FANK1: variants seen among roughly 807,000 people sequenced by gnomAD.
FANK1 encodes fibronectin type III and ankyrin repeat domains 1.
In FANK1, 44 loss-of-function variants were observed where a neutral mutation model predicts 45.3. That is an observed-to-expected ratio of 0.97 (90% CI 0.76 to 1.25). The LOEUF (loss-of-function observed/expected upper bound fraction) is 1.25. Among genes scored for constraint, FANK1 ranks in the 50% most tolerant of loss-of-function variants. FANK1 has a pLI of 0.00. For missense variants in FANK1, 391 were observed against 424.4 expected, an observed-to-expected ratio of 0.92 and a Z score of 0.69; for synonymous variants, 149 against 152.5, an observed-to-expected ratio of 0.98 and a Z score of 0.17.
chr10:125,934,957 G>C (rs549984362), intron 1 of FANK1, among the ~76,000 whole-genome samples: 1 of 152,144 alleles, frequency 6.6e-6, no homozygotes, highest in South Asian at 2.1e-4. Context: ...CTCCCAGCAC[G>C]ATGCTGTTTC....
intron 1 of FANK1, among the ~76,000 whole-genome samples, chr10:125,930,553 G>A (rs1163067049): frequency 3.3e-5 from 5 of 150,744 alleles, no homozygotes; most frequent in African/African-American, 1.2e-4. Flanking sequence ...TCCCAGGCTG[G>A]TCTTGATCTA....
chr10:125,914,810 GGGA>G (rs1262478686), intron 1 of FANK1, among the ~76,000 whole-genome samples: 1 of 152,140 alleles, frequency 6.6e-6, no homozygotes, highest in African/African-American at 2.4e-5. Flanking sequence ...ACCGTAGAAG[GGGA>G]GGAGGGGTGG....
intron 6 of FANK1, 56 bp downstream of exon 6, chr10:125,997,541 G>A (rs1309385259): frequency 1.9e-6 from 3 of 1,544,394 alleles, no homozygotes; most frequent in Admixed American, 1.7e-5. Context: ...TGTGTTGCTA[G>A]GCTTGTGCCC....
At chr10:125,910,851 A>G (rs983291027) in intron 1 of FANK1, among the ~76,000 whole-genome samples, 6 of 152,072 alleles carry the variant, frequency 3.9e-5, no homozygotes, top group African/African-American at 1.4e-4. Context: ...TGGCTAACAC[A>G]GTGAAACCCC....
At position 126,009,409 on chromosome 10, in the gene FANK1, C is replaced by T. The variant is rs746515841; in HGVS notation, c.1009C>T (p.Gln337Ter). 2 of 1,614,108 alleles carry T rather than the reference C, an allele frequency of 1.2e-6. No individual in the cohort carries two copies. Among genetic ancestry groups the T allele is most frequent in the Admixed American group, 1.7e-5 (1 of 60,008 alleles). ...CTTATTAGAAGAAAGGAAAAAAAAGCAGAGGCCAAAGAAGTCTTGTGTCTG... is the reference window on the plus strand; with the variant it reads ...CTTATTAGAAGAAAGGAAAAAAAAGTAGAGGCCAAAGAAGTCTTGTGTCTG... ...VSLLEERKKK[Q>*]RPKKSCVC Residue 337 changes from glutamine (Q) to a stop codon, truncating the protein, a stop_gained, in exon 11 of 11, where the codon CAG becomes TAG. Coordinates refer to ENST00000368693, the MANE Select transcript of FANK1 (RefSeq NM_145235.5). LOFTEE classifies it high-confidence loss of function.
At chr10:125,975,210 T>C (rs112008872) in intron 1 of FANK1, among the ~76,000 whole-genome samples, 2,100 of 152,336 alleles carry the variant, frequency 0.014, 46 homozygotes, top group African/African-American at 0.045. Context: ...TATTTCATAG[T>C]GTATATGTAC....
chr10:125,939,496 T>A (rs113620739), intron 1 of FANK1, among the ~76,000 whole-genome samples: 3 of 152,338 alleles, frequency 2.0e-5, no homozygotes, highest in African/African-American at 7.2e-5. Flanking sequence ...ATAAAGCAAA[T>A]GTGGCAACAT....
At chr10:125,969,064 C>T (rs925099593) in intron 1 of FANK1, among the ~76,000 whole-genome samples, 1 of 152,094 alleles carries the variant, frequency 6.6e-6, no homozygotes, top group Non-Finnish European at 1.5e-5. Flanking sequence ...TCATAATCGT[C>T]CTTTTGAGGT....
chr10:125,981,857 G>A (rs11244748), intron 2 of FANK1, among the ~76,000 whole-genome samples: 59,981 of 152,016 alleles, frequency 0.39, 12,016 homozygotes, highest in South Asian at 0.46. Context: ...TGTGATAAAA[G>A]TGCTGACATG....
intron 1 of FANK1, among the ~76,000 whole-genome samples, chr10:125,955,875 G>T (rs1949542880): frequency 6.6e-6 from 1 of 152,128 alleles, no homozygotes; most frequent in Non-Finnish European, 1.5e-5. Context: ...AAGTACAAAA[G>T]AATCTATGTT....
At chr10:125,987,140 GGA>G (rs1951615911) in intron 2 of FANK1, among the ~76,000 whole-genome samples, 3 of 151,970 alleles carry the variant, frequency 2.0e-5, no homozygotes, top group African/African-American at 7.3e-5. Flanking sequence ...CCCTTTTCTT[GGA>G]CCCCATCAGT....
intron 1 of FANK1, among the ~76,000 whole-genome samples, chr10:125,936,999 G>A (rs1156355215): frequency 8.5e-5 from 13 of 152,052 alleles, no homozygotes; most frequent in African/African-American, 2.7e-4. Flanking sequence ...CCCGGATGGC[G>A]GAGGTTGCAG....
At chr10:125,903,301 T>C (rs61873366) in intron 1 of FANK1, among the ~76,000 whole-genome samples, 478 of 113,256 alleles carry the variant, frequency 4.2e-3, no homozygotes, top group East Asian at 8.3e-3. Context: ...TGGTGCAAAC[T>C]CATTAACAAG....
At chr10:125,929,467 T>C (rs1947605727) in intron 1 of FANK1, among the ~76,000 whole-genome samples, 1 of 152,160 alleles carries the variant, frequency 6.6e-6, no homozygotes, top group Admixed American at 6.5e-5. Flanking sequence ...TAAGTGAAAC[T>C]TCGGAGAAAG....
intron 1 of FANK1, among the ~76,000 whole-genome samples, chr10:125,940,018 C>T (rs923707532): frequency 2.0e-5 from 3 of 151,600 alleles, no homozygotes; most frequent in Non-Finnish European, 4.4e-5. Flanking sequence ...GCAACCTCCA[C>T]CTCTTAATCT....
At chr10:125,991,772 G>A (rs1951960045) in intron 3 of FANK1, among the ~76,000 whole-genome samples, 1 of 152,162 alleles carries the variant, frequency 6.6e-6, no homozygotes, top group Admixed American at 6.5e-5. Flanking sequence ...CAATGAGCTC[G>A]TGATTTATTC....
At chr10:125,907,277 T>C (rs1220628563) in intron 1 of FANK1, among the ~76,000 whole-genome samples, 1 of 152,222 alleles carries the variant, frequency 6.6e-6, no homozygotes, top group Non-Finnish European at 1.5e-5. Flanking sequence ...TTCTAACTTG[T>C]GCCTAATTAG....
chr10:125,904,949 C>T (rs1436780088), intron 1 of FANK1, among the ~76,000 whole-genome samples: 2 of 151,458 alleles, frequency 1.3e-5, no homozygotes, highest in East Asian at 3.9e-4. Flanking sequence ...CAGGGTGAAA[C>T]CCCGTCTCTG....
chr10:125,913,007 A>C (rs1323344907), intron 1 of FANK1, among the ~76,000 whole-genome samples: 2 of 152,250 alleles, frequency 1.3e-5, no homozygotes. Flanking sequence ...AGAAACCACA[A>C]AATTATGTAT....
Sources: allele counts gnomAD v4.1 joint callset (sites outside exome capture counted in the v4.1 genomes callset), GRCh38; gene constraint gnomAD v4.1.1; transcripts MANE v1.5; gene names NCBI Gene and HGNC (gene_info 2026-07-23, HGNC 2026-07-21).